The following AUTS2 variants were observed in gnomAD, a reference collection of about 807,000 sequenced individuals.
The protein encoded by AUTS2 is autism susceptibility gene 2 protein.
In AUTS2, 17 loss-of-function variants were observed where a neutral mutation model predicts 112.4. The observed-to-expected ratio is 0.15, with a 90% CI of 0.10 to 0.23. The LOEUF is 0.23. AUTS2 is among the 10% of genes least tolerant of loss of function. AUTS2 has a pLI of 1.00. For synonymous variants in AUTS2, 751 were observed against 702.7 expected (o/e 1.07, Z -1.09); for missense variants, 1,510 against 1,701.6 (o/e 0.89, Z 1.98).
chr7:70,383,241 G>T (rs931202063), intron 4 of AUTS2, among the ~76,000 whole-genome samples: 8 of 152,100 alleles, frequency 5.3e-5, no homozygotes, highest in Non-Finnish European at 1.0e-4. Flanking sequence ...GCTTAGCACA[G>T]TCTTGTAAAA....
At chr7:69,831,013 A>G (rs1015312065) in intron 1 of AUTS2, among the ~76,000 whole-genome samples, 1 of 152,184 alleles carries the variant, frequency 6.6e-6, no homozygotes, top group Non-Finnish European at 1.5e-5. Context: ...AGGACAGGAA[A>G]GGAAGGCTTT....
chr7:70,163,355 G>GGT (rs1808210738), intron 4 of AUTS2, among the ~76,000 whole-genome samples: 1 of 84,724 alleles, frequency 1.2e-5, no homozygotes, highest in East Asian at 3.4e-4. Context: ...GGGGGGGGGG[G>GGT]GGGCAGAGGG....
chr7:70,109,429 A>G (rs1010931353), intron 2 of AUTS2, among the ~76,000 whole-genome samples: 1 of 152,306 alleles, frequency 6.6e-6, no homozygotes, highest in Non-Finnish European at 1.5e-5. Context: ...TGCCAAATGC[A>G]ATCTGTTCAT....
intron 3 of AUTS2, among the ~76,000 whole-genome samples, chr7:70,122,026 G>C (rs1805708181): frequency 6.6e-6 from 1 of 152,146 alleles, no homozygotes; most frequent in Non-Finnish European, 1.5e-5. Context: ...GATTGGCATT[G>C]TAATATATAC....
chr7:70,401,815 A>C (rs1438756456), intron 4 of AUTS2, among the ~76,000 whole-genome samples: 1 of 152,232 alleles, frequency 6.6e-6, no homozygotes, highest in Non-Finnish European at 1.5e-5. Context: ...TTGTGCAGGA[A>C]GCAGTCCAGT....
rs549357677 is a variant in AUTS2 at position 70,280,885 on chromosome 7, G to T, written c.660+146314G>T. ...CTTAAGTTTGCTCACTAATGTATAG[G>T]TATTTTTGTCTAACACTGACAAAAT... On this transcript the variant is annotated intron_variant, in intron 4 of 18. Coordinates refer to ENST00000342771, the MANE Select transcript of AUTS2 (RefSeq NM_015570.4). Among the ~76,000 whole-genome samples the T allele has an allele frequency of 1.2e-3, 179 of 152,130 alleles. 1 individual carries two copies. The highest frequency in any genetic ancestry group is 4.2e-3 in the African/African-American group (176 of 41,500).
intron 2 of AUTS2, among the ~76,000 whole-genome samples, chr7:69,908,160 G>A (rs886219300): frequency 2.6e-5 from 4 of 152,040 alleles, no homozygotes; most frequent in East Asian, 1.9e-4. Flanking sequence ...TGAATTATAC[G>A]CTTTCACTAC....
rs144308513 is a variant in AUTS2 at position 69,683,302 on chromosome 7, G to A, written c.309+83340G>A. ...CTGGTCGCCATGATGTCCTGCACAC[G>A]TGGCAACAAAAAGTGGCAGGAACCG... On this transcript the variant is annotated intron_variant, in intron 1 of 18. Coordinates refer to ENST00000342771, the MANE Select transcript of AUTS2 (RefSeq NM_015570.4). Among the ~76,000 whole-genome samples the A allele has an allele frequency of 2.3e-3, 356 of 152,218 alleles. 1 individual carries two copies. The highest frequency in any genetic ancestry group is 7.5e-3 in the African/African-American group (310 of 41,534).
chr7:69,958,381 A>G (rs946425520), intron 2 of AUTS2, among the ~76,000 whole-genome samples: 6 of 152,160 alleles, frequency 3.9e-5, no homozygotes, highest in African/African-American at 1.2e-4. Context: ...TAGAATATAA[A>G]TCAGGACTTG....
chr7:70,322,056 CTT>C (rs895816629), intron 4 of AUTS2, among the ~76,000 whole-genome samples: 1 of 152,098 alleles, frequency 6.6e-6, no homozygotes, highest in Non-Finnish European at 1.5e-5. Flanking sequence ...CAGAATTCCT[CTT>C]TAGATCTAAT....
At chr7:69,633,054 A>G (rs1386517458) in intron 1 of AUTS2, among the ~76,000 whole-genome samples, 1 of 152,188 alleles carries the variant, frequency 6.6e-6, no homozygotes, top group African/African-American at 2.4e-5. Context: ...CATGTTGTAC[A>G]TTAAATCTCT....
intron 5 of AUTS2, among the ~76,000 whole-genome samples, chr7:70,683,089 C>T (rs1310469812): frequency 6.6e-6 from 1 of 152,216 alleles, no homozygotes; most frequent in African/African-American, 2.4e-5. Context: ...ATGACATGCA[C>T]ATACAGAATT....
At chr7:70,261,757 G>A (rs1479492234) in intron 4 of AUTS2, among the ~76,000 whole-genome samples, 1 of 152,088 alleles carries the variant, frequency 6.6e-6, no homozygotes, top group Non-Finnish European at 1.5e-5. Flanking sequence ...ACTGTTATTT[G>A]AAGGACTTGA....
chr7:69,741,426 C>T (rs1787258322), intron 1 of AUTS2, among the ~76,000 whole-genome samples: 1 of 152,154 alleles, frequency 6.6e-6, no homozygotes, highest in African/African-American at 2.4e-5. Flanking sequence ...TAATCCAGGA[C>T]AGGTGCGGTG....
At chr7:70,164,999 G>T (rs1257870390) in intron 4 of AUTS2, among the ~76,000 whole-genome samples, 1 of 152,078 alleles carries the variant, frequency 6.6e-6, no homozygotes, top group Admixed American at 6.6e-5. Context: ...TCGTGATGTG[G>T]AATTTTAGTA....
intron 5 of AUTS2, among the ~76,000 whole-genome samples, chr7:70,551,259 G>T (rs1801003832): frequency 6.6e-6 from 1 of 152,050 alleles, no homozygotes; most frequent in Non-Finnish European, 1.5e-5. Flanking sequence ...GAAGCATAAT[G>T]CCCCACTCCC....
At chr7:70,691,580 C>T (rs903524240) in intron 5 of AUTS2, among the ~76,000 whole-genome samples, 1 of 152,134 alleles carries the variant, frequency 6.6e-6, no homozygotes, top group African/African-American at 2.4e-5. Flanking sequence ...CATTCCCATC[C>T]CCGCTTCCAG....
At chr7:69,727,230 G>A (rs1057425242) in intron 1 of AUTS2, among the ~76,000 whole-genome samples, 3 of 151,998 alleles carry the variant, frequency 2.0e-5, no homozygotes, top group East Asian at 1.9e-4. Flanking sequence ...TTATCTAGTC[G>A]TTCCAGCACT....
intron 2 of AUTS2, among the ~76,000 whole-genome samples, chr7:69,911,429 G>T (rs536992446): frequency 6.6e-6 from 1 of 152,188 alleles, no homozygotes; most frequent in Non-Finnish European, 1.5e-5. Context: ...CGAGCAGGGG[G>T]GAAAGTGTGT....
Sources: allele counts gnomAD v4.1 joint callset (sites outside exome capture counted in the v4.1 genomes callset), GRCh38; gene constraint gnomAD v4.1.1; transcripts MANE v1.5; gene names NCBI Gene and HGNC (gene_info 2026-07-23, HGNC 2026-07-21).